Variants in CYP39A1 observed in about 807,000 individuals in gnomAD.
CYP39A1 encodes 24-hydroxycholesterol 7-alpha-hydroxylase.
A neutral mutation model predicts 58.1 loss-of-function variants in CYP39A1; 49 were observed. The observed-to-expected ratio is 0.84, with a 90% CI of 0.67 to 1.07. CYP39A1 has a LOEUF of 1.07. Among genes scored for constraint, CYP39A1 ranks in the 50% least tolerant of loss-of-function variants. CYP39A1 has a pLI of 0.00. For missense variants in CYP39A1, 531 were observed against 539.4 expected (o/e 0.98, Z 0.16); for synonymous variants, 209 against 187.6 (o/e 1.11, Z -0.93).
Position 46,631,007 on chromosome 6 carries a change from A to G in CYP39A1, c.796T>C (p.Tyr266His), listed in dbSNP as rs573128082. The change falls in exon 6 of 12, where the codon TAT (tyrosine) becomes CAT (histidine). Residue 266 changes from tyrosine to histidine, a missense_variant. Physicochemically the swap from Tyr to His is moderately conservative, Grantham distance 83. Transcript: ENST00000275016. ...TETSKENSPNYGLLLLWASLS... is the reference protein window; with the variant it reads ...TETSKENSPNHGLLLLWASLS... The stretch of plus-strand genomic sequence containing the variant: ...GAAGCCCAAAGCAGTAAGAGCCCAT[A>G]ATTGGGTGAGTTTTCCTTACTTGTT... The G allele has an allele frequency of 6.2e-7, 1 of 1,614,038 alleles. No individual in the cohort carries two copies. Among genetic ancestry groups the G allele is most frequent in the South Asian group, 1.1e-5 (1 of 91,084 alleles).
chr6:46,612,645 G>A (rs3799872), intron 7 of CYP39A1, among the ~76,000 whole-genome samples: 59,340 of 152,044 alleles, frequency 0.39, 13,999 homozygotes, highest in African/African-American at 0.65. Flanking sequence ...ATAGCCTCCC[G>A]AATCTCTGTG....
intron 9 of CYP39A1, 80 bp from the exon 10 acceptor site, chr6:46,587,245 C>T (rs1772525243): frequency 8.9e-6 from 8 of 902,444 alleles, no homozygotes; most frequent in Non-Finnish European, 1.4e-5. Context: ...CTAAAAATGA[C>T]CTTGTACAGC....
intron 8 of CYP39A1, 71 bp downstream of exon 8, chr6:46,595,916 A>G (rs1173194903): frequency 2.1e-6 from 3 of 1,439,248 alleles, no homozygotes; most frequent in African/African-American, 2.9e-5. Context: ...TCAACCTGAA[A>G]AATATATGTG....
At chr6:46,627,637 C>T (rs1036665793) in intron 6 of CYP39A1, among the ~76,000 whole-genome samples, 2 of 152,028 alleles carry the variant, frequency 1.3e-5, no homozygotes, top group Non-Finnish European at 1.5e-5. Flanking sequence ...CTAGGATGAT[C>T]TCGATCTCCT....
chr6:46,554,235 C>T lies in CYP39A1; in HGVS notation c.1251-381G>A, dbSNP rs564751914. On this transcript the variant is annotated intron_variant, in intron 10 of 11. Coordinates refer to ENST00000275016, the MANE Select transcript of CYP39A1 (RefSeq NM_016593.5). ...TAAGCAAAATGGAAAATTTCAGTTC[C>T]TCGGTTGCACTGGCCATATTTCAAG... Among the ~76,000 whole-genome samples, 37 of 152,212 alleles carry T rather than the reference C, an allele frequency of 2.4e-4. 1 individual carries two copies. Among genetic ancestry groups the T allele is most frequent in the African/African-American group, 8.9e-4 (37 of 41,540 alleles).
At chr6:46,607,119 C>G (rs1406459836) in intron 7 of CYP39A1, among the ~76,000 whole-genome samples, 1 of 152,112 alleles carries the variant, frequency 6.6e-6, no homozygotes, top group Non-Finnish European at 1.5e-5. Context: ...TGCTACTACG[C>G]CACATTGCTT....
chr6:46,592,157 C>G (rs1469276396), intron 8 of CYP39A1, among the ~76,000 whole-genome samples: 2 of 152,078 alleles, frequency 1.3e-5, no homozygotes, highest in Non-Finnish European at 2.9e-5. Context: ...AGTGTTCGTC[C>G]ATTTCAATTC....
At chr6:46,637,137 G>A (rs1346462725) in intron 4 of CYP39A1, among the ~76,000 whole-genome samples, 1 of 152,068 alleles carries the variant, frequency 6.6e-6, no homozygotes, top group East Asian at 1.9e-4. Flanking sequence ...AACCCGGAAG[G>A]AGCCCTCACC....
At chr6:46,603,936 A>C (rs1773669340) in intron 7 of CYP39A1, among the ~76,000 whole-genome samples, 1 of 152,186 alleles carries the variant, frequency 6.6e-6, no homozygotes. Flanking sequence ...AATTCTATGT[A>C]GTCTTCGCTG....
chr6:46,608,131 T>G (rs1363601082), intron 7 of CYP39A1, among the ~76,000 whole-genome samples: 1 of 152,226 alleles, frequency 6.6e-6, no homozygotes, highest in African/African-American at 2.4e-5. Flanking sequence ...AGTAATATCT[T>G]CAAAAAGTAA....
intron 7 of CYP39A1, 88 bp downstream of exon 7, chr6:46,625,330 T>C (rs1350110481): frequency 1.6e-5 from 14 of 881,464 alleles, no homozygotes; most frequent in Non-Finnish European, 2.2e-5. Context: ...GTTGAATTTT[T>C]ATAAAATTAT....
chr6:46,601,585 G>T (rs1177249193), intron 7 of CYP39A1, among the ~76,000 whole-genome samples: 1 of 152,030 alleles, frequency 6.6e-6, no homozygotes, highest in Non-Finnish European at 1.5e-5. Flanking sequence ...GTGCCCACAA[G>T]GTTGCTGTCA....
intron 1 of CYP39A1, among the ~76,000 whole-genome samples, chr6:46,650,484 CTTTTTTTTTTTTTTTT>C (rs567314746): frequency 8.2e-4 from 29 of 35,176 alleles, no homozygotes; most frequent in African/African-American, 1.7e-3. Context: ...CAGTCATATT[CTTTTTTTTTTTTTTTT>C]TTTTTTTTTT....
chr6:46,589,272 G>C (rs1042603248), intron 8 of CYP39A1, among the ~76,000 whole-genome samples: 1 of 151,960 alleles, frequency 6.6e-6, no homozygotes, highest in Non-Finnish European at 1.5e-5. Context: ...AGGCAACATA[G>C]GAAGACCTTG....
At chr6:46,631,391 C>T (rs138153480) in intron 5 of CYP39A1, among the ~76,000 whole-genome samples, 91 of 152,252 alleles carry the variant, frequency 6.0e-4, no homozygotes, top group African/African-American at 2.2e-3. Context: ...AATATGGTAC[C>T]TACCTCGTAG....
At chr6:46,618,158 C>T (rs1041494360) in intron 7 of CYP39A1, among the ~76,000 whole-genome samples, 2 of 152,096 alleles carry the variant, frequency 1.3e-5, no homozygotes, top group Admixed American at 6.6e-5. Flanking sequence ...AAAGCAATTA[C>T]GATTTGCCAG....
intron 6 of CYP39A1, among the ~76,000 whole-genome samples, chr6:46,625,806 G>A (rs1165881505): frequency 1.3e-5 from 2 of 151,890 alleles, no homozygotes; most frequent in Non-Finnish European, 2.9e-5. Context: ...TTTTACTAAT[G>A]AGTAACACAA....
intron 10 of CYP39A1, among the ~76,000 whole-genome samples, chr6:46,557,643 T>A (rs1205547504): frequency 8.0e-5 from 11 of 137,814 alleles, no homozygotes; most frequent in South Asian, 2.3e-4. Flanking sequence ...ACTCTGTCTT[T>A]AAAAAAAAAA....
At chr6:46,580,001 CTA>C (rs771977525) in intron 10 of CYP39A1, among the ~76,000 whole-genome samples, 2 of 152,070 alleles carry the variant, frequency 1.3e-5, no homozygotes, top group Non-Finnish European at 2.9e-5. Flanking sequence ...TTGGAAAAAA[CTA>C]TTCTAAAATC....
Sources: allele counts gnomAD v4.1 joint callset (sites outside exome capture counted in the v4.1 genomes callset), GRCh38; gene constraint gnomAD v4.1.1; transcripts MANE v1.5; gene names NCBI Gene and HGNC (gene_info 2026-07-23, HGNC 2026-07-21).